Variants in CCDC91 observed in about 807,000 individuals in gnomAD.
CCDC91 encodes the protein coiled-coil domain containing 91.
CCDC91 carries 48 observed loss-of-function variants against 63.2 expected under a neutral mutation model. The observed-to-expected ratio is 0.76, with a 90% CI of 0.60 to 0.97. The LOEUF (loss-of-function observed/expected upper bound fraction) is 0.97. Among genes scored for constraint, CCDC91 ranks in the 50% least tolerant of loss-of-function variants. The pLI, the probability that CCDC91 is intolerant of heterozygous loss-of-function variation, is 0.00. For missense variants in CCDC91, 500 were observed against 494.6 expected (o/e 1.01, Z -0.10); for synonymous variants, 167 against 165.8 (o/e 1.01, Z -0.06).
chr12:28,541,401 G>A (rs566905386), intron 12 of CCDC91, among the ~76,000 whole-genome samples: 1 of 152,034 alleles, frequency 6.6e-6, no homozygotes, highest in Non-Finnish European at 1.5e-5. Context: ...TCAATCATTT[G>A]AGAATTTAAA....
At chr12:28,348,600 T>G (rs1942974432) in intron 6 of CCDC91, among the ~76,000 whole-genome samples, 1 of 152,186 alleles carries the variant, frequency 6.6e-6, no homozygotes, top group African/African-American at 2.4e-5. Context: ...TACTGTTTTG[T>G]TTTCTCTCTT....
At chr12:28,384,095 C>T (rs1356675039) in intron 7 of CCDC91, among the ~76,000 whole-genome samples, 1 of 152,036 alleles carries the variant, frequency 6.6e-6, no homozygotes, top group Non-Finnish European at 1.5e-5. Flanking sequence ...AGTCATTTGC[C>T]ATCATTTGGA....
chr12:28,502,336 C>T (rs1452920200), intron 12 of CCDC91, among the ~76,000 whole-genome samples: 1 of 151,960 alleles, frequency 6.6e-6, no homozygotes, highest in Non-Finnish European at 1.5e-5. Context: ...TTCACAATTT[C>T]TTCAAAGAGA....
At chr12:28,499,731 A>T (rs1406471185) in intron 12 of CCDC91, among the ~76,000 whole-genome samples, 3 of 152,030 alleles carry the variant, frequency 2.0e-5, no homozygotes, top group Non-Finnish European at 4.4e-5. Flanking sequence ...CATTTTCTTT[A>T]TCCAGTCTAT....
Position 28,527,625 on chromosome 12 carries a change from G to C in CCDC91, c.1216-21438G>C, listed in dbSNP as rs369204521. Among the ~76,000 whole-genome samples, 200 of 152,186 alleles carry C rather than the reference G, an allele frequency of 1.3e-3. 1 individual carries two copies. The highest frequency in any genetic ancestry group is 4.7e-3 in the African/African-American group (195 of 41,488). ...AGAGAGCATCAGCTATGGGAGTATGGGGGGGGAACATTTGGTAGGTGGGGC... is the reference window on the plus strand; with the variant it reads ...AGAGAGCATCAGCTATGGGAGTATGCGGGGGGAACATTTGGTAGGTGGGGC... On this transcript the variant is annotated intron_variant, in intron 12 of 12. Transcript: ENST00000536442.
chr12:28,363,579 CAG>C (rs1185903993), intron 7 of CCDC91, among the ~76,000 whole-genome samples: 2 of 152,116 alleles, frequency 1.3e-5, no homozygotes, highest in African/African-American at 4.8e-5. Flanking sequence ...AATTTAGTGT[CAG>C]AAGCTTCCGT....
rs1946658496 is a variant in CCDC91, at chr12:28,259,282, C to T, written c.31-82C>T. The T allele has an allele frequency of 4.2e-6, 4 of 953,502 alleles. No homozygotes were observed. In the South Asian group the frequency reaches 5.3e-5, roughly 13 times the overall value. The allele number at this position is 953,502 out of a possible 1,614,324, so 59.1% of individuals were successfully genotyped here. On this transcript the variant is annotated intron_variant, in intron 2 of 12. Coordinates refer to ENST00000536442, the MANE Select transcript of CCDC91 (RefSeq NM_018318.5). Reference sequence around the variant, plus strand: ...GTCTGGTGTGTTATAGAAGATATGCCTATTGAACTGGAATGCTTGATCACT... The same window carrying T: ...GTCTGGTGTGTTATAGAAGATATGCTTATTGAACTGGAATGCTTGATCACT...
intron 4 of CCDC91, 89 bp downstream of exon 4, chr12:28,305,895 C>A (rs1232177021): frequency 5.4e-6 from 6 of 1,119,056 alleles, no homozygotes; most frequent in Non-Finnish European, 7.7e-6. Context: ...TCTTTTTTAG[C>A]CTATTTGTCT....
chr12:28,285,855 C>T (rs1948884497), intron 3 of CCDC91, among the ~76,000 whole-genome samples: 1 of 151,762 alleles, frequency 6.6e-6, no homozygotes, highest in Admixed American at 6.6e-5. Flanking sequence ...ATGTTTTGAT[C>T]ACCTATTTGA....
At chr12:28,338,322 T>C (rs2137896563) in intron 6 of CCDC91, among the ~76,000 whole-genome samples, 1 of 152,110 alleles carries the variant, frequency 6.6e-6, no homozygotes, top group South Asian at 2.1e-4. Context: ...TAGTGTTTTT[T>C]TTTTTTATTA....
At chr12:28,292,320 A>G (rs1320045496) in intron 3 of CCDC91, among the ~76,000 whole-genome samples, 10 of 152,240 alleles carry the variant, frequency 6.6e-5, no homozygotes, top group Non-Finnish European at 7.3e-5. Flanking sequence ...ACCGTTTTCA[A>G]TTTATTTCAC....
At chr12:28,533,237 T>G (rs1288675530) in intron 12 of CCDC91, among the ~76,000 whole-genome samples, 1 of 152,126 alleles carries the variant, frequency 6.6e-6, no homozygotes, top group Non-Finnish European at 1.5e-5. Flanking sequence ...AACATAATTC[T>G]ATTTTAAAAT....
At chr12:28,385,680 A>G (rs943997005) in intron 7 of CCDC91, among the ~76,000 whole-genome samples, 1 of 152,148 alleles carries the variant, frequency 6.6e-6, no homozygotes, top group Non-Finnish European at 1.5e-5. Flanking sequence ...GATGATATTA[A>G]TATTTTGAAG....
chr12:28,283,512 C>G (rs1376158731), intron 3 of CCDC91, among the ~76,000 whole-genome samples: 2 of 151,290 alleles, frequency 1.3e-5, no homozygotes, highest in Non-Finnish European at 3.0e-5. Flanking sequence ...TTAGCTTGGT[C>G]ATTATTGGTG....
At chr12:28,295,114 T>C (rs1949482226) in intron 3 of CCDC91, among the ~76,000 whole-genome samples, 1 of 152,212 alleles carries the variant, frequency 6.6e-6, no homozygotes, top group Admixed American at 6.5e-5. Context: ...GAAATTCTGA[T>C]TGACTCTGCA....
intron 7 of CCDC91, among the ~76,000 whole-genome samples, chr12:28,384,737 T>C (rs1452236268): frequency 6.6e-6 from 1 of 152,078 alleles, no homozygotes. Context: ...TTTGTACCAC[T>C]GTGTCTTTTC....
chr12:28,192,161 A>T (rs1448019163), intron 1 of CCDC91, among the ~76,000 whole-genome samples: 1 of 152,226 alleles, frequency 6.6e-6, no homozygotes, highest in African/African-American at 2.4e-5. Flanking sequence ...TTCCAGAGGG[A>T]CATCACTTTG....
chr12:28,233,710 A>G (rs1944753465), intron 1 of CCDC91, among the ~76,000 whole-genome samples: 1 of 152,136 alleles, frequency 6.6e-6, no homozygotes, highest in Non-Finnish European at 1.5e-5. Flanking sequence ...CTTCTCTGAG[A>G]AGATCATCTT....
chr12:28,345,069 C>T (rs1401977659), intron 6 of CCDC91, among the ~76,000 whole-genome samples: 1 of 152,016 alleles, frequency 6.6e-6, no homozygotes, highest in African/African-American at 2.4e-5. Context: ...ATGGCAACAT[C>T]TTCATGCAGT....
Sources: gnomAD v4.1 joint callset for allele counts (sites outside exome capture counted in the v4.1 genomes callset) on GRCh38, gnomAD v4.1.1 for gene constraint, MANE v1.5 for transcripts, NCBI Gene and HGNC (gene_info 2026-07-23, HGNC 2026-07-21) for gene names.